CSMD1: variants seen among roughly 807,000 people sequenced by gnomAD.
CSMD1 encodes the protein CUB and sushi domain-containing protein 1.
A neutral mutation model predicts 417.5 loss-of-function variants in CSMD1; 213 were observed. The ratio of observed to expected loss-of-function variants is 0.51; its 90% CI spans 0.46 to 0.57. The LOEUF is 0.57. Among genes scored for constraint, CSMD1 ranks in the 20% least tolerant of loss-of-function variants. The pLI is 0.00. For synonymous variants in CSMD1, 2,862 were observed against 1,736.8 expected (o/e 1.65, Z -16.11); for missense variants, 6,923 against 4,529.7 (o/e 1.53, Z -15.17).
chr8:3,322,077 TA>T (rs541323679), intron 23 of CSMD1, among the ~76,000 whole-genome samples: 3 of 152,350 alleles, frequency 2.0e-5, no homozygotes, highest in South Asian at 4.1e-4. Context: ...TTATTTTACA[TA>T]ATATATGAAA....
rs1242736630 is a variant in CSMD1 at position 3,817,952 on chromosome 8, C to A, written c.819-63910G>T. On this transcript the variant is annotated intron_variant, in intron 5 of 69. Transcript: ENST00000635120. ...AAACCTGGTATTAGCTAAGTGGATT[C>A]TTTTGGTATCTTTGGTATACTTACT... Among the ~76,000 whole-genome samples, 5 of 152,250 alleles carry A rather than the reference C, an allele frequency of 3.3e-5. No individual in the cohort carries two copies. The South Asian group carries it at 6.2e-4, about 19-fold the overall frequency.
At chr8:3,730,868 G>C (rs767282349) in intron 6 of CSMD1, among the ~76,000 whole-genome samples, 12 of 152,170 alleles carry the variant, frequency 7.9e-5, no homozygotes, top group South Asian at 2.1e-4. Context: ...GGTGATAAGA[G>C]AGAGTGCTTT....
chr8:4,374,250 G>A lies in CSMD1; in HGVS notation c.415+45703C>T, dbSNP rs557101651. ...CCACAACATCATCACCATCACTAAC[G>A]TGTGAGTTAATTTTTTTTAATACAG... On this transcript the variant is annotated intron_variant, in intron 3 of 69. Transcript: ENST00000635120. Among the ~76,000 whole-genome samples, 11 of 152,144 alleles carry A rather than the reference G, an allele frequency of 7.2e-5. No individual in the cohort carries two copies. The East Asian group carries it at 9.7e-4, about 13-fold the overall frequency.
chr8:3,836,670 G>A (rs893858975), intron 5 of CSMD1, among the ~76,000 whole-genome samples: 3 of 152,080 alleles, frequency 2.0e-5, no homozygotes, highest in Middle Eastern at 3.2e-3. Context: ...GTGAGTTCCT[G>A]TAATAACCTT....
At chr8:3,301,220 G>T (rs928388735) in intron 25 of CSMD1, among the ~76,000 whole-genome samples, 2 of 151,984 alleles carry the variant, frequency 1.3e-5, no homozygotes, top group Admixed American at 1.3e-4. Flanking sequence ...ATTGTTTGGG[G>T]TAGGAGCAGT....
At chr8:4,301,663 C>A (rs1274442321) in intron 3 of CSMD1, among the ~76,000 whole-genome samples, 1 of 152,206 alleles carries the variant, frequency 6.6e-6, no homozygotes, top group Non-Finnish European at 1.5e-5. Flanking sequence ...TTTCAGGCCT[C>A]TTCAATTAGG....
At chr8:4,314,650 C>T (rs539717550) in intron 3 of CSMD1, among the ~76,000 whole-genome samples, 2 of 152,144 alleles carry the variant, frequency 1.3e-5, no homozygotes, top group African/African-American at 2.4e-5. Context: ...TGTACTATTA[C>T]ATTACCATTT....
At chr8:4,518,905 A>G (rs1211725047) in intron 2 of CSMD1, among the ~76,000 whole-genome samples, 1 of 152,154 alleles carries the variant, frequency 6.6e-6, no homozygotes, top group Non-Finnish European at 1.5e-5. Flanking sequence ...ATTCCCCATA[A>G]AATCGTGTCA....
At chr8:4,368,926 A>T (rs1249566604) in intron 3 of CSMD1, among the ~76,000 whole-genome samples, 1 of 151,964 alleles carries the variant, frequency 6.6e-6, no homozygotes, top group African/African-American at 2.4e-5. Context: ...TTGATCTCTT[A>T]TATGGATTTT....
At chr8:4,595,671 G>T (rs574152960) in intron 2 of CSMD1, among the ~76,000 whole-genome samples, 242 of 152,268 alleles carry the variant, frequency 1.6e-3, no homozygotes, top group African/African-American at 5.7e-3. Context: ...GGAGGCTGAG[G>T]CTGGAGGATC....
chr8:3,222,313 T>G (rs1163681830), intron 28 of CSMD1, among the ~76,000 whole-genome samples: 2 of 144,508 alleles, frequency 1.4e-5, no homozygotes, highest in African/African-American at 5.1e-5. Flanking sequence ...GGTTTTGTGT[T>G]CAATTTCATT....
At chr8:4,308,241 T>G (rs891232717) in intron 3 of CSMD1, among the ~76,000 whole-genome samples, 1 of 151,970 alleles carries the variant, frequency 6.6e-6, no homozygotes, top group African/African-American at 2.4e-5. Flanking sequence ...CAGTCATGTA[T>G]AGTTTTTTTT....
chr8:3,577,895 G>GT (rs1351622357), intron 9 of CSMD1, among the ~76,000 whole-genome samples: 1 of 152,104 alleles, frequency 6.6e-6, no homozygotes, highest in Non-Finnish European at 1.5e-5. Flanking sequence ...GGCAACTACC[G>GT]TAAGTTCAGC....
chr8:4,579,300 T>A (rs2617064), intron 2 of CSMD1, among the ~76,000 whole-genome samples: 55,170 of 150,868 alleles, frequency 0.37, 10,148 homozygotes, highest in Non-Finnish European at 0.38. Context: ...AAAAATCCTC[T>A]TGCCAATGGT....
chr8:4,931,330 T>G (rs1020908838), intron 1 of CSMD1, among the ~76,000 whole-genome samples: 1 of 152,090 alleles, frequency 6.6e-6, no homozygotes, highest in African/African-American at 2.4e-5. Context: ...CTACGAGGAG[T>G]AAACATCCCA....
At chr8:3,568,470 G>C (rs1015430761) in intron 10 of CSMD1, among the ~76,000 whole-genome samples, 1 of 152,154 alleles carries the variant, frequency 6.6e-6, no homozygotes, top group Non-Finnish European at 1.5e-5. Context: ...AACGTTTTGA[G>C]TTTTTTAAAT....
chr8:4,280,443 C>G (rs1422182341), intron 3 of CSMD1, among the ~76,000 whole-genome samples: 1 of 152,162 alleles, frequency 6.6e-6, no homozygotes, highest in Non-Finnish European at 1.5e-5. Context: ...CGACCGGATA[C>G]CAATCTGAGC....
At chr8:4,078,614 T>G (rs1000543545) in intron 3 of CSMD1, among the ~76,000 whole-genome samples, 2 of 151,680 alleles carry the variant, frequency 1.3e-5, no homozygotes, top group Non-Finnish European at 2.9e-5. Flanking sequence ...ATAATTTTTT[T>G]TTTTTTTAGT....
chr8:3,608,554 G>C (rs753070025), intron 8 of CSMD1, among the ~76,000 whole-genome samples: 9 of 152,070 alleles, frequency 5.9e-5, no homozygotes, highest in Non-Finnish European at 1.0e-4. Context: ...ACGAGGTCAG[G>C]AGTTTGAGAC....
Sources: allele counts gnomAD v4.1 joint callset (sites outside exome capture counted in the v4.1 genomes callset), GRCh38; gene constraint gnomAD v4.1.1; transcripts MANE v1.5; gene names NCBI Gene and HGNC (gene_info 2026-07-23, HGNC 2026-07-21).